The following BLTP2 variants were observed in gnomAD, a reference collection of about 807,000 sequenced individuals.
BLTP2 encodes U937-associated antigen.
the BLTP2 span, chr17:28,639,730 C>T: frequency 7.0e-7 from 1 of 1,425,416 alleles, no homozygotes; most frequent in South Asian, 1.1e-5. Flanking sequence ...GCAAAGGGAT[C>T]AACAGACTGT....
At chr17:28,628,280 T>G in the BLTP2 span, 3 of 1,614,058 alleles carry the variant, frequency 1.9e-6, no homozygotes, top group South Asian at 3.3e-5. Context: ...GATGACCCCT[T>G]ATCAGGTTGT....
chr17:28,641,840 C>A, the BLTP2 span: 6 of 1,532,940 alleles, frequency 3.9e-6, no homozygotes, highest in Non-Finnish European at 5.3e-6. Flanking sequence ...ACTTCCAAAA[C>A]AAACCCTGAG....
the BLTP2 span, chr17:28,635,130 G>A: frequency 1.1e-5 from 17 of 1,614,004 alleles, no homozygotes; most frequent in South Asian, 2.2e-5. Context: ...AGCCGAAAGA[G>A]AGGAGCCAAA....
At chr17:28,618,194 G>C in the BLTP2 span, among the ~76,000 whole-genome samples, 1 of 152,006 alleles carries the variant, frequency 6.6e-6, no homozygotes, top group Non-Finnish European at 1.5e-5. Context: ...CGGCCTTCCA[G>C]AGTGCTGGGA....
At chr17:28,619,635 GGAAAGA>G in the BLTP2 span, 1 of 1,612,980 alleles carries the variant, frequency 6.2e-7, no homozygotes, top group Non-Finnish European at 8.5e-7. Context: ...AAAAGGGCAA[GGAAAGA>G]ATGCTGGGGC....
chr17:28,617,064 A>C, the BLTP2 span: 1 of 1,293,906 alleles, frequency 7.7e-7, no homozygotes, highest in Non-Finnish European at 1.1e-6. Context: ...CAACCCACAA[A>C]TCCTCTGCAG....
chr17:28,621,567 C>T, the BLTP2 span: 1 of 1,115,822 alleles, frequency 9.0e-7, no homozygotes, highest in Admixed American at 1.7e-5. Flanking sequence ...AATTGGGTGA[C>T]AGATCTCCAT....
chr17:28,622,481 T>C, the BLTP2 span, among the ~76,000 whole-genome samples: 17 of 152,194 alleles, frequency 1.1e-4, no homozygotes, highest in Non-Finnish European at 1.9e-4. Flanking sequence ...GACTTATCAC[T>C]GTGGTCCTTA....
the BLTP2 span, chr17:28,642,760 C>T: frequency 1.4e-6 from 1 of 698,418 alleles, no homozygotes; most frequent in Non-Finnish European, 2.6e-6. Context: ...CTAATCTTAG[C>T]ATCTCCTCCA....
chr17:28,617,837 G>A, the BLTP2 span, among the ~76,000 whole-genome samples: 29 of 151,774 alleles, frequency 1.9e-4, no homozygotes, highest in Middle Eastern at 3.4e-3. Context: ...TTGGCTCACC[G>A]CAACATCCAT....
the BLTP2 span, chr17:28,638,982 A>C: frequency 6.5e-6 from 3 of 460,840 alleles, no homozygotes; most frequent in East Asian, 1.3e-4. Context: ...GTGCAGCACA[A>C]TAGAAGCACT....
At chr17:28,632,899 C>T in the BLTP2 span, 16 of 1,417,538 alleles carry the variant, frequency 1.1e-5, no homozygotes, top group African/African-American at 2.2e-4. Flanking sequence ...CATGCCCGTC[C>T]TCCCAAGCCC....
At chr17:28,634,533 A>G in the BLTP2 span, 4 of 1,613,656 alleles carry the variant, frequency 2.5e-6, no homozygotes, top group East Asian at 8.9e-5. Flanking sequence ...AGCTCTTGAC[A>G]TTGCACTTGA....
chr17:28,628,089 C>T, the BLTP2 span, among the ~76,000 whole-genome samples: 1 of 152,182 alleles, frequency 6.6e-6, no homozygotes, highest in Non-Finnish European at 1.5e-5. Flanking sequence ...CCATTTAATG[C>T]CCCAACATCA....
the BLTP2 span, chr17:28,638,126 G>T: frequency 1.9e-6 from 3 of 1,608,218 alleles, no homozygotes; most frequent in Non-Finnish European, 2.6e-6. Context: ...CCCATTAGAA[G>T]TATGCAGGCG....
At chr17:28,617,066 C>T in the BLTP2 span, 1 of 1,298,704 alleles carries the variant, frequency 7.7e-7, no homozygotes, top group South Asian at 1.3e-5. Context: ...ACCCACAAAT[C>T]CTCTGCAGAA....
chr17:28,641,914 T>C, the BLTP2 span: 6 of 1,613,606 alleles, frequency 3.7e-6, no homozygotes, highest in Admixed American at 1.7e-5. Context: ...GCTTAGATGC[T>C]AGGCTTGGGC....
chr17:28,643,236 T>C, the BLTP2 span: 2 of 1,614,156 alleles, frequency 1.2e-6, no homozygotes, highest in Non-Finnish European at 1.7e-6. Flanking sequence ...TCTGGGAGAA[T>C]GGGGCAGACA....
chr17:28,625,014 A>G, the BLTP2 span, among the ~76,000 whole-genome samples: 33 of 152,266 alleles, frequency 2.2e-4, no homozygotes, highest in East Asian at 5.8e-3. Flanking sequence ...CTTGTTTGTA[A>G]AAGAGTAACT....
Sources: gnomAD v4.1 joint callset for allele counts (sites outside exome capture counted in the v4.1 genomes callset) on GRCh38, gnomAD v4.1.1 for gene constraint, MANE v1.5 for transcripts, NCBI Gene and HGNC (gene_info 2026-07-23, HGNC 2026-07-21) for gene names.